The following SARAF variants were observed in gnomAD, a reference collection of about 807,000 sequenced individuals.
SARAF encodes the protein store-operated calcium entry associated regulatory factor.
In SARAF, 23 loss-of-function variants were observed where a neutral mutation model predicts 39.7. The ratio of observed to expected loss-of-function variants is 0.58; its 90% CI spans 0.42 to 0.82. The LOEUF (loss-of-function observed/expected upper bound fraction) is 0.82, where lower values mean the gene tolerates loss of function less well. SARAF is among the 40% of genes least tolerant of loss of function. SARAF has a pLI of 0.00. For synonymous variants in SARAF, 175 were observed against 168.5 expected (o/e 1.04, Z -0.30); for missense variants, 384 against 418.5 (o/e 0.92, Z 0.72).
rs1285474401 is a variant in SARAF at position 30,064,549 on chromosome 8, A to ATTTTTTTTTT, written c.995-637_995-636insAAAAAAAAAA. ...CTTACCTAGCCATATATATATATAT[A>ATTTTTTTTTT]TATATATATATATTTTTTTTTTTTT... On this transcript the variant is annotated intron_variant, in intron 5 of 5. Transcript: ENST00000256255. Among the ~76,000 whole-genome samples, 13 of 43,822 alleles carry ATTTTTTTTTT rather than the reference A, an allele frequency of 3.0e-4. 2 individuals are homozygous for ATTTTTTTTTT. The highest frequency in any genetic ancestry group is 6.8e-4 in the African/African-American group (6 of 8,806). The allele number at this position is 43,822 out of a possible 152,430, so 28.7% of individuals were successfully genotyped here.
intron 2 of SARAF, among the ~76,000 whole-genome samples, chr8:30,072,307 G>A (rs1423636888): frequency 6.6e-6 from 1 of 152,124 alleles, no homozygotes; most frequent in Non-Finnish European, 1.5e-5. Flanking sequence ...TTACTGAGTT[G>A]TAAGAGTTAT....
chr8:30,071,381 T>A (rs1026443874), intron 2 of SARAF, among the ~76,000 whole-genome samples: 4 of 152,182 alleles, frequency 2.6e-5, no homozygotes, highest in Admixed American at 1.3e-4. Context: ...CAAGCTAAAG[T>A]AGATTTAATT....
At chr8:30,073,803 C>T in intron 2 of SARAF, 74 bp downstream of exon 2, 1 of 1,366,540 alleles carries the variant, frequency 7.3e-7, no homozygotes, top group Non-Finnish European at 1.0e-6. Flanking sequence ...CCTCAAAAGA[C>T]TGAATAATGT....
rs1257498336 is a variant in SARAF, at chr8:30,067,837, T to G, written c.701-919A>C. Among the ~76,000 whole-genome samples, 5 of 152,326 alleles carry G rather than the reference T, an allele frequency of 3.3e-5. No individual in the cohort carries two copies. The East Asian group carries it at 9.6e-4, about 29-fold the overall frequency. On this transcript the variant is annotated intron_variant, in intron 3 of 5. Coordinates refer to ENST00000256255, the MANE Select transcript of SARAF (RefSeq NM_016127.6). ...CTGCTATGAACATTCCTGTGCATCT[T>G]TCTTGGTGCACCATGCATTCACTTC... is the stretch of plus-strand genomic sequence containing the variant.
intron 2 of SARAF, among the ~76,000 whole-genome samples, chr8:30,070,545 G>T (rs1454374646): frequency 6.6e-6 from 1 of 152,160 alleles, no homozygotes; most frequent in Non-Finnish European, 1.5e-5. Flanking sequence ...GATAATGGTG[G>T]TATCTGTGTT....
rs1801599117 is a variant in SARAF at position 30,063,248 on chromosome 8, G to T, written c.*640C>A. On this transcript the variant is annotated 3_prime_UTR_variant, in exon 6 of 6. Coordinates refer to ENST00000256255, the MANE Select transcript of SARAF (RefSeq NM_016127.6). Reference sequence around the variant, plus strand: ...CTCTTATGAACGAAAGAAATATAGAGGTTTCAAGCATTTTTGCCAGCACAG... The same window carrying T: ...CTCTTATGAACGAAAGAAATATAGATGTTTCAAGCATTTTTGCCAGCACAG... 6.6e-6 allele frequency: 1 copy of T among 152,164 alleles called. No homozygotes were observed. The highest frequency in any genetic ancestry group is 2.4e-5 in the African/African-American group (1 of 41,430). 9.4% of individuals were successfully genotyped at this position (152,164 alleles called of 1,614,324 possible). A position where few individuals can be genotyped will look rare whatever the true frequency, so the allele number is the denominator to read the frequency against.
At chr8:30,079,673 T>C (rs1802055035) in intron 1 of SARAF, among the ~76,000 whole-genome samples, 1 of 152,230 alleles carries the variant, frequency 6.6e-6, no homozygotes, top group African/African-American at 2.4e-5. Flanking sequence ...GTGTAGAAGT[T>C]TCCTCACCTA....
At chr8:30,081,475 A>G (rs762678583) in intron 1 of SARAF, among the ~76,000 whole-genome samples, 11 of 152,262 alleles carry the variant, frequency 7.2e-5, no homozygotes, top group Non-Finnish European at 1.5e-4. Context: ...GAAATACAAA[A>G]GAAAAACGTA....
At chr8:30,079,664 T>G (rs562313610) in intron 1 of SARAF, among the ~76,000 whole-genome samples, 14 of 152,254 alleles carry the variant, frequency 9.2e-5, no homozygotes, top group Non-Finnish European at 1.5e-4. Flanking sequence ...AATTTACCTG[T>G]GTAGAAGTTT....
rs1248110512 is a variant in SARAF at position 30,076,377 on chromosome 8, C to T, written c.104-2322G>A. 2.0e-5 allele frequency among the ~76,000 whole-genome samples: 3 copies of T among 152,176 alleles called. No individual in the cohort carries two copies. In the East Asian group the frequency reaches 5.8e-4, roughly 29 times the overall value. On this transcript the variant is annotated intron_variant, in intron 1 of 5. Coordinates refer to ENST00000256255, the MANE Select transcript of SARAF (RefSeq NM_016127.6). Reference sequence around the variant, plus strand: ...ACTGGATGACTATTCCCTTGGTAATCTAACCAAGAAGAAGTACCTAAATAC... The same window carrying T: ...ACTGGATGACTATTCCCTTGGTAATTTAACCAAGAAGAAGTACCTAAATAC...
At chr8:30,070,650 T>A (rs1430936796) in intron 2 of SARAF, among the ~76,000 whole-genome samples, 1 of 152,222 alleles carries the variant, frequency 6.6e-6, no homozygotes, top group Admixed American at 6.5e-5. Flanking sequence ...ATATTAAGTA[T>A]TCTACAATTT....
At chr8:30,067,053 T>C in intron 3 of SARAF, 135 bp from the exon 4 acceptor site, 1 of 922,812 alleles carries the variant, frequency 1.1e-6, no homozygotes, top group Non-Finnish European at 1.6e-6. Flanking sequence ...TATTAACAAG[T>C]TGTATTCAAA....
chr8:30,074,672 G>A (rs1171763889), intron 1 of SARAF, among the ~76,000 whole-genome samples: 2 of 152,178 alleles, frequency 1.3e-5, no homozygotes, highest in Admixed American at 6.5e-5. Flanking sequence ...ATGAAAACAT[G>A]TATGGGAAGG....
At chr8:30,071,040 T>C (rs1336937381) in intron 2 of SARAF, among the ~76,000 whole-genome samples, 1 of 152,198 alleles carries the variant, frequency 6.6e-6, no homozygotes, top group Non-Finnish European at 1.5e-5. Context: ...CTTCTTTAAC[T>C]CTTAAGATAC....
At chr8:30,079,264 T>C (rs1053879494) in intron 1 of SARAF, among the ~76,000 whole-genome samples, 3 of 151,458 alleles carry the variant, frequency 2.0e-5, no homozygotes, top group African/African-American at 7.3e-5. Flanking sequence ...TCAAGATACA[T>C]TTGGGAATTC....
At chr8:30,067,494 C>A (rs1487620401) in intron 3 of SARAF, among the ~76,000 whole-genome samples, 1 of 152,164 alleles carries the variant, frequency 6.6e-6, no homozygotes. Context: ...CCACCCACAC[C>A]AATAAACCAT....
intron 5 of SARAF, among the ~76,000 whole-genome samples, chr8:30,064,809 C>A (rs1332333224): frequency 1.3e-5 from 2 of 151,700 alleles, no homozygotes; most frequent in African/African-American, 4.9e-5. Context: ...GTGATCCACC[C>A]ATCTCAGCTT....
rs1802144467 is a variant in SARAF at position 30,082,983 on chromosome 8, C to T, written c.-34G>A. The stretch of plus-strand genomic sequence containing the variant: ...ATGAAGATGGCGCCGGGCTGCCAGA[C>T]GCCTACGGGCCGAACCTGGGTGCGG... On this transcript the variant is annotated 5_prime_UTR_variant, in exon 1 of 6. Transcript: ENST00000256255. 1 of 1,504,224 alleles carries T rather than the reference C, an allele frequency of 6.6e-7. No homozygotes were observed. Among genetic ancestry groups the T allele is most frequent in the Non-Finnish European group, 9.0e-7 (1 of 1,115,382 alleles). The allele number at this position is 1,504,224 out of a possible 1,614,324, so 93.2% of individuals were successfully genotyped here. A position where few individuals can be genotyped will look rare whatever the true frequency, so the allele number is the denominator to read the frequency against.
At chr8:30,076,988 A>AAG (rs1288632397) in intron 1 of SARAF, among the ~76,000 whole-genome samples, 1 of 152,236 alleles carries the variant, frequency 6.6e-6, no homozygotes, top group African/African-American at 2.4e-5. Context: ...CAACAAAAGG[A>AAG]AGCAGGAGGA....
Sources: allele counts gnomAD v4.1 joint callset (sites outside exome capture counted in the v4.1 genomes callset), GRCh38; gene constraint gnomAD v4.1.1; transcripts MANE v1.5; gene names NCBI Gene and HGNC (gene_info 2026-07-23, HGNC 2026-07-21).